Variants in CAMK1D observed in about 807,000 individuals in gnomAD.
CAMK1D encodes the protein calcium/calmodulin dependent protein kinase ID, also known as calcium/calmodulin-dependent protein kinase type 1D.
Under a neutral mutation model 47.7 loss-of-function variants are expected in CAMK1D, and 9 were observed. That is an observed-to-expected ratio of 0.19 (90% CI 0.11 to 0.33). The LOEUF (loss-of-function observed/expected upper bound fraction) is 0.33, where lower values mean the gene tolerates loss of function less well. Among genes scored for constraint, CAMK1D ranks in the 10% least tolerant of loss-of-function variants. The probability of loss-of-function intolerance (pLI) is 1.00; values close to 1 mark genes in which losing one functional copy is unlikely to be tolerated. For missense variants in CAMK1D, 291 were observed against 488.7 expected (o/e 0.60, Z 3.81); for synonymous variants, 184 against 184.9 (o/e 0.99, Z 0.04).
intron 1 of CAMK1D, among the ~76,000 whole-genome samples, chr10:12,485,829 C>G (rs926524490): frequency 5.3e-5 from 8 of 152,170 alleles, no homozygotes; most frequent in African/African-American, 1.9e-4. Flanking sequence ...GGCTTAAGAC[C>G]TGATAGCCCT....
intron 2 of CAMK1D, among the ~76,000 whole-genome samples, chr10:12,636,098 A>G (rs1839505867): frequency 1.3e-5 from 2 of 152,356 alleles, no homozygotes; most frequent in South Asian, 2.1e-4. Context: ...TATCCAGTTC[A>G]GTGGCATTAA....
intron 1 of CAMK1D, among the ~76,000 whole-genome samples, chr10:12,451,403 A>C (rs570366542): frequency 6.2e-4 from 95 of 152,028 alleles, no homozygotes; most frequent in Non-Finnish European, 1.2e-3. Flanking sequence ...CCTGGAGGAG[A>C]TTCCTCTGTA....
intron 3 of CAMK1D, among the ~76,000 whole-genome samples, chr10:12,669,517 T>C (rs1034141501): frequency 2.6e-5 from 4 of 152,212 alleles, no homozygotes; most frequent in Non-Finnish European, 5.9e-5. Context: ...TTGGTTCTCA[T>C]TATACCAATC....
chr10:12,400,067 CAT>C (rs1217095788), intron 1 of CAMK1D, among the ~76,000 whole-genome samples: 1 of 152,080 alleles, frequency 6.6e-6, no homozygotes, highest in African/African-American at 2.4e-5. Context: ...CTTCTGAAAA[CAT>C]AACTACTGCA....
Position 12,349,750 on chromosome 10 carries a change from C to A in CAMK1D, c.-69C>A, listed in dbSNP as rs1588711256. On this transcript the variant is annotated 5_prime_UTR_variant, in exon 1 of 11. Coordinates refer to ENST00000619168, the MANE Select transcript of CAMK1D (RefSeq NM_153498.4). The stretch of plus-strand genomic sequence containing the variant: ...CCGGCATCCCCGCCGCCTCTGCGCC[C>A]GCGCCGCGCCCCCGGCGCCCCCTCC... 1 of 586,132 alleles carries A rather than the reference C, an allele frequency of 1.7e-6. No individual in the cohort carries two copies. Among genetic ancestry groups the A allele is most frequent in the Non-Finnish European group, 2.2e-6 (1 of 447,378 alleles). The allele number at this position is 586,132 out of a possible 1,614,324, so 36.3% of individuals were successfully genotyped here.
At chr10:12,641,261 C>T (rs185747238) in intron 2 of CAMK1D, among the ~76,000 whole-genome samples, 62 of 152,244 alleles carry the variant, frequency 4.1e-4, no homozygotes, top group African/African-American at 1.5e-3. Context: ...CAGCTACCGC[C>T]CCCAGCCTTA....
intron 10 of CAMK1D, among the ~76,000 whole-genome samples, chr10:12,826,750 A>C (rs1308657865): frequency 6.6e-6 from 1 of 152,154 alleles, no homozygotes. Flanking sequence ...AAATTTTCCC[A>C]AGAAATCTCT....
intron 1 of CAMK1D, among the ~76,000 whole-genome samples, chr10:12,521,867 A>C (rs2182701): frequency 0.51 from 77,082 of 150,532 alleles, 19,763 homozygotes; most frequent in South Asian, 0.62. Flanking sequence ...CTTGTTCTGA[A>C]GTTTACTTTG....
intron 6 of CAMK1D, among the ~76,000 whole-genome samples, chr10:12,810,124 G>A: frequency 7.4e-6 from 1 of 135,104 alleles, no homozygotes; most frequent in Non-Finnish European, 1.5e-5. Context: ...ATTCCAGTCT[G>A]GGTGACAGAG....
chr10:12,488,549 C>G (rs957282327), intron 1 of CAMK1D, among the ~76,000 whole-genome samples: 6 of 152,120 alleles, frequency 3.9e-5, no homozygotes, highest in South Asian at 2.1e-4. Flanking sequence ...CGGGATGATT[C>G]AAGCACATGA....
intron 1 of CAMK1D, among the ~76,000 whole-genome samples, chr10:12,492,053 G>C (rs1015189615): frequency 2.6e-5 from 4 of 152,306 alleles, no homozygotes; most frequent in Non-Finnish European, 5.9e-5. Context: ...CCAAACTGCT[G>C]AGATCACAGG....
chr10:12,602,835 C>T (rs927803968), intron 2 of CAMK1D, among the ~76,000 whole-genome samples: 1 of 151,616 alleles, frequency 6.6e-6, no homozygotes, highest in Non-Finnish European at 1.5e-5. Context: ...GAGCAAAGAC[C>T]GGTGGTGGAT....
At chr10:12,503,965 A>G (rs1834786600) in intron 1 of CAMK1D, among the ~76,000 whole-genome samples, 1 of 152,118 alleles carries the variant, frequency 6.6e-6, no homozygotes, top group Non-Finnish European at 1.5e-5. Context: ...TTCATGTGGA[A>G]AACAGTTCCA....
intron 1 of CAMK1D, among the ~76,000 whole-genome samples, chr10:12,432,690 A>G (rs1832520729): frequency 6.6e-6 from 1 of 152,244 alleles, no homozygotes; most frequent in Non-Finnish European, 1.5e-5. Flanking sequence ...GGTGAGTTGA[A>G]TAATGAATGA....
intron 1 of CAMK1D, among the ~76,000 whole-genome samples, chr10:12,442,708 T>C (rs1832817751): frequency 6.6e-6 from 1 of 152,224 alleles, no homozygotes; most frequent in South Asian, 2.1e-4. Context: ...GTTTAGGTTC[T>C]GAAAGGTTTT....
chr10:12,804,840 A>G (rs925596973), intron 6 of CAMK1D, among the ~76,000 whole-genome samples: 5 of 138,146 alleles, frequency 3.6e-5, no homozygotes, highest in African/African-American at 1.3e-4. Context: ...CAGGAAGTTG[A>G]GGCAGGAGGA....
intron 2 of CAMK1D, among the ~76,000 whole-genome samples, chr10:12,608,658 C>A (rs1223000792): frequency 6.6e-6 from 1 of 152,224 alleles, no homozygotes; most frequent in Non-Finnish European, 1.5e-5. Flanking sequence ...TATCTTATTT[C>A]TTCACTGAAT....
intron 2 of CAMK1D, among the ~76,000 whole-genome samples, chr10:12,591,694 T>A (rs1837999490): frequency 6.6e-6 from 1 of 152,190 alleles, no homozygotes; most frequent in African/African-American, 2.4e-5. Context: ...ATAGGGTTGG[T>A]TGGTTGGTTT....
rs1354040881 is a variant in CAMK1D, at chr10:12,735,030, C to G, written c.300-25918C>G. 2.0e-5 allele frequency among the ~76,000 whole-genome samples: 3 copies of G among 152,254 alleles called. No homozygotes were observed. In the South Asian group the frequency reaches 6.2e-4, roughly 32 times the overall value. On this transcript the variant is annotated intron_variant, in intron 3 of 10. Transcript: ENST00000619168. ...CAAGCATTTACCTAGCCTGAAGTGC[C>G]TTAGAATAATAGAATATTAATAGTA...
Sources: gnomAD v4.1 joint callset for allele counts (sites outside exome capture counted in the v4.1 genomes callset) on GRCh38, gnomAD v4.1.1 for gene constraint, MANE v1.5 for transcripts, NCBI Gene and HGNC (gene_info 2026-07-23, HGNC 2026-07-21) for gene names.